Variants in FRMD4B observed in about 807,000 individuals in gnomAD.
FRMD4B encodes FERM domain containing 4B.
FRMD4B carries 74 observed loss-of-function variants against 141.5 expected under a neutral mutation model. The observed-to-expected ratio is 0.52, with a 90% CI of 0.43 to 0.63. FRMD4B has a LOEUF of 0.63. Among genes scored for constraint, FRMD4B ranks in the 30% least tolerant of loss-of-function variants. The pLI is 0.00. For synonymous variants in FRMD4B, 506 were observed against 467.9 expected (o/e 1.08, Z -1.05); for missense variants, 1,366 against 1,253.4 (o/e 1.09, Z -1.36).
chr3:69,230,477 G>A (rs2093296625), intron 7 of FRMD4B, among the ~76,000 whole-genome samples: 2 of 151,998 alleles, frequency 1.3e-5, no homozygotes, highest in African/African-American at 4.8e-5. Context: ...CAGGCGTGGT[G>A]GCTCACACCT....
intron 7 of FRMD4B, among the ~76,000 whole-genome samples, chr3:69,246,937 C>G (rs2093429475): frequency 6.6e-6 from 1 of 152,156 alleles, no homozygotes; most frequent in South Asian, 2.1e-4. Context: ...CTTCCTTTGC[C>G]TCAGGCAAGG....
intron 22 of FRMD4B, among the ~76,000 whole-genome samples, chr3:69,175,105 A>G (rs1166221839): frequency 6.6e-6 from 1 of 152,184 alleles, no homozygotes; most frequent in South Asian, 2.1e-4. Context: ...AATATTTCCA[A>G]TTTGATTGTA....
chr3:69,465,767 A>G (rs2106931133), intron 1 of FRMD4B, among the ~76,000 whole-genome samples: 1 of 152,262 alleles, frequency 6.6e-6, no homozygotes, highest in Non-Finnish European at 1.5e-5. Context: ...TATGTGTGCC[A>G]TATTTTCTTT....
At chr3:69,281,411 T>C (rs2093643811) in intron 5 of FRMD4B, among the ~76,000 whole-genome samples, 1 of 152,210 alleles carries the variant, frequency 6.6e-6, no homozygotes, top group South Asian at 2.1e-4. Context: ...CTAGTCAAAT[T>C]ATACATTTTT....
In FRMD4B at chr3:69,502,783, C is replaced by T. The variant is rs188838722; in HGVS notation, c.-129+39423G>A. ...TGGGAGAAAATTTTCACAACCTACT[C>T]ATCTGACAAAGGGCTAATATCCAGA... is the stretch of plus-strand genomic sequence containing the variant. On this transcript the variant is annotated intron_variant, in intron 1 of 5. Coordinates refer to the FRMD4B transcript ENST00000459638. Among the ~76,000 whole-genome samples the T allele has an allele frequency of 2.7e-3, 405 of 151,792 alleles. 1 individual carries two copies. Among genetic ancestry groups the T allele is most frequent in the Non-Finnish European group, 4.3e-3 (295 of 67,962 alleles).
chr3:69,478,663 G>C (rs1706047856), intron 1 of FRMD4B, among the ~76,000 whole-genome samples: 1 of 152,246 alleles, frequency 6.6e-6, no homozygotes, highest in African/African-American at 2.4e-5. Context: ...GTGTGGTGCT[G>C]AAAAAAGTGT....
At chr3:69,458,872 AAG>A (rs1319971513) in intron 1 of FRMD4B, among the ~76,000 whole-genome samples, 2 of 148,608 alleles carry the variant, frequency 1.3e-5, no homozygotes, top group Non-Finnish European at 1.5e-5. Flanking sequence ...AAAAAAAAAA[AAG>A]GAGTCTAATT....
At chr3:69,452,280 G>C (rs887547815) in intron 1 of FRMD4B, among the ~76,000 whole-genome samples, 4 of 152,240 alleles carry the variant, frequency 2.6e-5, no homozygotes, top group African/African-American at 4.8e-5. Flanking sequence ...TATATACAAA[G>C]AAGAAGACAG....
chr3:69,488,725 AC>A (rs1323113135), intron 1 of FRMD4B, among the ~76,000 whole-genome samples: 1 of 151,602 alleles, frequency 6.6e-6, no homozygotes, highest in Non-Finnish European at 1.5e-5. Flanking sequence ...AAGCAGTGAA[AC>A]CCCATCTCCA....
chr3:69,391,725 T>C, intron 2 of FRMD4B, among the ~76,000 whole-genome samples: 1 of 152,190 alleles, frequency 6.6e-6, no homozygotes. Context: ...TTTTCTCTAT[T>C]AGACTGTCAG....
At chr3:69,207,242 C>T (rs906887146) in intron 11 of FRMD4B, among the ~76,000 whole-genome samples, 2 of 149,418 alleles carry the variant, frequency 1.3e-5, no homozygotes, top group African/African-American at 4.9e-5. Context: ...GAGTTTGAGG[C>T]TGCAGTGAAC....
chr3:69,262,066 A>G (rs1210728857), intron 5 of FRMD4B, among the ~76,000 whole-genome samples: 1 of 151,946 alleles, frequency 6.6e-6, no homozygotes, highest in Non-Finnish European at 1.5e-5. Flanking sequence ...TCCCAGGTGC[A>G]AGCGATTCTC....
At chr3:69,411,729 C>T (rs768400305) in intron 2 of FRMD4B, among the ~76,000 whole-genome samples, 52 of 152,302 alleles carry the variant, frequency 3.4e-4, no homozygotes, top group South Asian at 2.1e-4. Context: ...TGCCTAGGGA[C>T]GTGGTTATAA....
intron 1 of FRMD4B, among the ~76,000 whole-genome samples, chr3:69,339,687 A>C (rs1278560439): frequency 6.6e-6 from 1 of 152,226 alleles, no homozygotes; most frequent in Non-Finnish European, 1.5e-5. Context: ...AAAAAGGCAG[A>C]AAACATTTCG....
chr3:69,230,334 G>C (rs1156340413), intron 7 of FRMD4B, among the ~76,000 whole-genome samples: 1 of 152,156 alleles, frequency 6.6e-6, no homozygotes, highest in East Asian at 1.9e-4. Context: ...AGTGCAATAG[G>C]AACTCTCATC....
chr3:69,511,410 A>G (rs368952326), intron 1 of FRMD4B, among the ~76,000 whole-genome samples: 13 of 152,176 alleles, frequency 8.5e-5, no homozygotes, highest in African/African-American at 3.1e-4. Context: ...CCCTGCCTAC[A>G]TGGAGCTTAG....
chr3:69,374,393 A>C (rs925830917), intron 1 of FRMD4B, among the ~76,000 whole-genome samples: 2 of 152,198 alleles, frequency 1.3e-5, no homozygotes, highest in Admixed American at 1.3e-4. Flanking sequence ...TTAGGTAATA[A>C]GCATCTAATC....
chr3:69,460,136 A>T (rs1705687410), intron 1 of FRMD4B, among the ~76,000 whole-genome samples: 1 of 152,190 alleles, frequency 6.6e-6, no homozygotes, highest in Non-Finnish European at 1.5e-5. Context: ...ATGTCTATCA[A>T]ATGCCATTTG....
intron 11 of FRMD4B, among the ~76,000 whole-genome samples, chr3:69,202,292 T>C (rs7427595): frequency 0.015 from 2,271 of 152,232 alleles, 76 homozygotes; most frequent in East Asian, 0.073. Context: ...ACAAGAAAGC[T>C]AAGTATGCTT....
Sources: allele counts gnomAD v4.1 joint callset (sites outside exome capture counted in the v4.1 genomes callset), GRCh38; gene constraint gnomAD v4.1.1; transcripts MANE v1.5; gene names NCBI Gene and HGNC (gene_info 2026-07-23, HGNC 2026-07-21).